Variants in GXYLT2 observed in about 807,000 individuals in gnomAD.
GXYLT2 encodes glucoside xylosyltransferase 2.
GXYLT2 carries 53 observed loss-of-function variants against 45.8 expected under a neutral mutation model. That is an observed-to-expected ratio of 1.16 (90% CI 0.93 to 1.46). The LOEUF (loss-of-function observed/expected upper bound fraction) is 1.46, where lower values mean the gene tolerates loss of function less well. Among genes scored for constraint, GXYLT2 ranks in the 40% most tolerant of loss-of-function variants. GXYLT2 has a pLI of 0.00. For missense variants in GXYLT2, 551 were observed against 544.4 expected (o/e 1.01, Z -0.12); for synonymous variants, 219 against 214.2 (o/e 1.02, Z -0.19).
chr3:72,928,964 C>T, intron 3 of GXYLT2: 5 of 850,056 alleles, frequency 5.9e-6, no homozygotes, highest in Non-Finnish European at 9.6e-6. Context: ...ACCACTTCAC[C>T]GCGCCCTCGG....
chr3:72,959,319 T>C (rs1407437530), intron 5 of GXYLT2, among the ~76,000 whole-genome samples: 1 of 151,784 alleles, frequency 6.6e-6, no homozygotes, highest in Non-Finnish European at 1.5e-5. Context: ...TATTTCACCA[T>C]GTTGGCCAGG....
chr3:72,959,890 C>T (rs1710736894), intron 5 of GXYLT2, among the ~76,000 whole-genome samples: 1 of 151,972 alleles, frequency 6.6e-6, no homozygotes, highest in African/African-American at 2.4e-5. Context: ...CCTCCTTGGC[C>T]TCCTAAAATG....
At chr3:72,932,016 A>G (rs1004298638) in intron 3 of GXYLT2, among the ~76,000 whole-genome samples, 3 of 152,208 alleles carry the variant, frequency 2.0e-5, no homozygotes, top group African/African-American at 7.2e-5. Context: ...ATTTCAATCA[A>G]TTAGGTAATT....
chr3:72,963,507 G>GTTTT (rs71126809), intron 5 of GXYLT2, among the ~76,000 whole-genome samples: 5 of 143,682 alleles, frequency 3.5e-5, no homozygotes, highest in Non-Finnish European at 4.5e-5. Context: ...GGAGTTTTTT[G>GTTTT]TTTTTTTTTT....
At chr3:72,946,902 C>A (rs1018604342) in intron 3 of GXYLT2, among the ~76,000 whole-genome samples, 2 of 152,170 alleles carry the variant, frequency 1.3e-5, no homozygotes, top group Admixed American at 1.3e-4. Flanking sequence ...TAGCTCACTG[C>A]AGCCTCAAAC....
chr3:72,894,966 G>A (rs533218057), intron 1 of GXYLT2, among the ~76,000 whole-genome samples: 5 of 152,238 alleles, frequency 3.3e-5, no homozygotes, highest in East Asian at 3.9e-4. Context: ...CCAGTAAAAC[G>A]CCAGGTCTCG....
rs1709443348 is a variant in GXYLT2 at position 72,903,370 on chromosome 3, GCTA to G, written c.276-4994_276-4992del. Among the ~76,000 whole-genome samples, 3 of 152,150 alleles carry G rather than the reference GCTA, an allele frequency of 2.0e-5. No homozygotes were observed. In the South Asian group the frequency reaches 6.2e-4, roughly 32 times the overall value. On this transcript the variant is annotated intron_variant, in intron 1 of 6. Coordinates refer to ENST00000389617, the MANE Select transcript of GXYLT2 (RefSeq NM_001080393.2). ...GTAAACTTGAGAAACTATCAAAATT[GCTA>G]CTTTCTTGAAAGGATCATAGATATT...
In GXYLT2 at chr3:72,957,849, T is replaced by A. The variant is rs185592142; in HGVS notation, c.976+497T>A. ...GGCAAAAGAAATTCTTCTTATATTGTTAGGTGGATGATTTGGTGGGGTAGA... is the reference window on the plus strand; with the variant it reads ...GGCAAAAGAAATTCTTCTTATATTGATAGGTGGATGATTTGGTGGGGTAGA... On this transcript the variant is annotated intron_variant, in intron 5 of 6. Transcript: ENST00000389617. 6.6e-5 allele frequency among the ~76,000 whole-genome samples: 10 copies of A among 152,266 alleles called. No individual in the cohort carries two copies. In the East Asian group the frequency reaches 1.9e-3, roughly 29 times the overall value.
Position 72,957,256 on chromosome 3 carries a change from T to TGG in GXYLT2, c.882_883dup (p.Glu295GlyfsTer24), listed in dbSNP as rs1376938694. ...CAGCATGATTCCAACAGGCCTGGCT[T>TGG]GGGAGGACATGTTGTACCCTCTGTA... is the stretch of plus-strand genomic sequence containing the variant. On this transcript the variant is annotated frameshift_variant, in exon 5 of 7. Transcript: ENST00000389617. LOFTEE classifies it high-confidence loss of function. 7.4e-6 allele frequency: 12 copies of TGG among 1,613,384 alleles called. No individual in the cohort carries two copies. In the East Asian group the frequency reaches 2.7e-4, roughly 36 times the overall value.
intron 2 of GXYLT2, among the ~76,000 whole-genome samples, chr3:72,920,332 AC>A (rs1709809646): frequency 6.6e-6 from 1 of 151,982 alleles, no homozygotes; most frequent in Non-Finnish European, 1.5e-5. Flanking sequence ...ACCGGGTTTC[AC>A]CATGTTGGCC....
chr3:72,944,399 C>T (rs1348988293), intron 3 of GXYLT2, among the ~76,000 whole-genome samples: 2 of 151,926 alleles, frequency 1.3e-5, no homozygotes, highest in African/African-American at 2.4e-5. Flanking sequence ...GGATTACAAA[C>T]GTGTGCCACC....
intron 2 of GXYLT2, among the ~76,000 whole-genome samples, chr3:72,914,433 G>A (rs1372948873): frequency 6.6e-6 from 1 of 152,052 alleles, no homozygotes; most frequent in Non-Finnish European, 1.5e-5. Context: ...AGGAAGTAGT[G>A]GGACACACAA....
At chr3:72,914,546 T>TGTGCGC (rs796221070) in intron 2 of GXYLT2, among the ~76,000 whole-genome samples, 10 of 143,788 alleles carry the variant, frequency 7.0e-5, no homozygotes, top group African/African-American at 2.2e-4. Flanking sequence ...TGTGTGTGTG[T>TGTGCGC]GCGCGCGCGC....
intron 3 of GXYLT2, among the ~76,000 whole-genome samples, chr3:72,922,608 T>C (rs1185937645): frequency 6.6e-6 from 1 of 152,178 alleles, no homozygotes; most frequent in Non-Finnish European, 1.5e-5. Context: ...CCTGTGAACC[T>C]CGTTAAATCC....
At chr3:72,968,756 T>C (rs1196298695) in intron 6 of GXYLT2, among the ~76,000 whole-genome samples, 2 of 152,026 alleles carry the variant, frequency 1.3e-5, no homozygotes, top group African/African-American at 4.8e-5. Context: ...TGAAACCCTG[T>C]CTCTACTAAA....
intron 3 of GXYLT2, among the ~76,000 whole-genome samples, chr3:72,932,116 G>C (rs934098421): frequency 6.7e-6 from 1 of 149,972 alleles, no homozygotes; most frequent in Non-Finnish European, 1.5e-5. Context: ...GCAATGGCAC[G>C]ATCTTGGCTC....
intron 3 of GXYLT2, among the ~76,000 whole-genome samples, chr3:72,937,284 CTT>C (rs1391233299): frequency 9.2e-5 from 14 of 151,984 alleles, no homozygotes; most frequent in African/African-American, 3.1e-4. Flanking sequence ...ACATTTCTGT[CTT>C]ATATATTTAT....
At chr3:72,906,558 A>G (rs899821541) in intron 1 of GXYLT2, among the ~76,000 whole-genome samples, 7 of 151,912 alleles carry the variant, frequency 4.6e-5, no homozygotes, top group Non-Finnish European at 7.4e-5. Context: ...TGTTTCCCTT[A>G]TTCCCTGCAG....
At chr3:72,895,377 T>C (rs966624435) in intron 1 of GXYLT2, among the ~76,000 whole-genome samples, 1 of 152,186 alleles carries the variant, frequency 6.6e-6, no homozygotes, top group Non-Finnish European at 1.5e-5. Context: ...TTCCCCTTTT[T>C]TTCTTAATCT....
Sources: allele counts gnomAD v4.1 joint callset (sites outside exome capture counted in the v4.1 genomes callset), GRCh38; gene constraint gnomAD v4.1.1; transcripts MANE v1.5; gene names NCBI Gene and HGNC (gene_info 2026-07-23, HGNC 2026-07-21).